Variants in MTMR8 observed in about 807,000 individuals in gnomAD.
The protein encoded by MTMR8 is myotubularin related protein 8, also known as phosphatidylinositol-3,5-bisphosphate 3-phosphatase MTMR8.
A neutral mutation model predicts 39.3 loss-of-function variants in MTMR8; 65 were observed. The observed-to-expected ratio is 1.65, with a 90% CI of 1.35 to 2.03. The LOEUF (loss-of-function observed/expected upper bound fraction) is 2.03, where lower values mean the gene tolerates loss of function less well. Among genes scored for constraint, MTMR8 ranks in the 30% most tolerant of loss-of-function variants. The probability of loss-of-function intolerance (pLI) is 0.00; values close to 1 mark genes in which losing one functional copy is unlikely to be tolerated. For synonymous variants in MTMR8, 245 were observed against 185.2 expected (o/e 1.32, Z -2.62); for missense variants, 777 against 538.9 (o/e 1.44, Z -4.37).
intron 1 of MTMR8, among the ~76,000 whole-genome samples, chrX:64,366,415 C>G (rs1440952126): frequency 8.9e-6 from 1 of 112,137 alleles, no homozygotes; most frequent in South Asian, 3.7e-4. Context: ...TCTCTCAGAC[C>G]ACAGTGCAAT....
In MTMR8 at chrX:64,324,814, CA is replaced by C. The variant is rs758476355; in HGVS notation, c.1481+3957del. Among the ~76,000 whole-genome samples, 208 of 28,693 alleles carry C rather than the reference CA, an allele frequency of 7.2e-3. 1 individual carries two copies. The highest frequency in any genetic ancestry group is 0.051 in the African/African-American group (178 of 3,467). The allele number at this position is 28,693 out of a possible 115,157, so 24.9% of individuals were successfully genotyped here. On this transcript the variant is annotated intron_variant, in intron 12 of 13. Coordinates refer to ENST00000374852, the MANE Select transcript of MTMR8 (RefSeq NM_017677.4). Reference sequence around the variant, plus strand: ...TGAAATAAACAGCCTTGTTGCTCACCAAAAAAAAAAAAAAAAAAAAAAAAGA... The same window carrying C: ...TGAAATAAACAGCCTTGTTGCTCACCAAAAAAAAAAAAAAAAAAAAAAAGA...
At chrX:64,375,066 A>C (rs940518985) in intron 1 of MTMR8, among the ~76,000 whole-genome samples, 14 of 108,302 alleles carry the variant, frequency 1.3e-4, no homozygotes, top group African/African-American at 4.8e-4. Context: ...AAAAAAAAAA[A>C]AGTGAAGGAA....
intron 1 of MTMR8, among the ~76,000 whole-genome samples, chrX:64,380,456 G>T (rs1444103752): frequency 3.6e-5 from 4 of 112,409 alleles, no homozygotes; most frequent in African/African-American, 9.7e-5. Context: ...CTGAGGTGAG[G>T]CATTTAAATA....
intron 12 of MTMR8, among the ~76,000 whole-genome samples, chrX:64,319,413 T>C (rs1468930207): frequency 8.9e-6 from 1 of 112,380 alleles, no homozygotes; most frequent in African/African-American, 3.2e-5. Flanking sequence ...TTTAATTAGA[T>C]CCCATTTGTC....
At chrX:64,339,262 C>T (rs1923154738) in intron 8 of MTMR8, among the ~76,000 whole-genome samples, 1 of 111,029 alleles carries the variant, frequency 9.0e-6, no homozygotes, top group African/African-American at 3.3e-5. Context: ...TTATAGGAGT[C>T]AGCCTGTTCA....
At chrX:64,347,367 C>A (rs1306612249) in intron 6 of MTMR8, among the ~76,000 whole-genome samples, 1 of 111,875 alleles carries the variant, frequency 8.9e-6, no homozygotes, top group Non-Finnish European at 1.9e-5. Flanking sequence ...GATACAGACT[C>A]GATTAAACTC....
chrX:64,315,745 G>A (rs1291310155), intron 12 of MTMR8, among the ~76,000 whole-genome samples: 1 of 111,500 alleles, frequency 9.0e-6, no homozygotes, highest in Non-Finnish European at 1.9e-5. Flanking sequence ...AATTATATAT[G>A]TTAGAGCTTA....
Position 64,348,664 on chromosome X carries a change from G to C in MTMR8, c.728C>G (p.Pro243Arg). 1.7e-6 allele frequency: 2 copies of C among 1,210,246 alleles called. No individual in the cohort carries two copies. Among genetic ancestry groups the C allele is most frequent in the Non-Finnish European group, 2.2e-6 (2 of 894,549 alleles). Residue 243 changes from proline (P) to arginine (R), a missense_variant, in exon 6 of 14, where the codon CCA becomes CGA. Transcript: ENST00000374852. ...AAATCACTGAGAAATAGATACCTTT[G>C]GTCTTGTGTCTACAACATACATAAA... ...SQFMYVVDTR[P>R]KLNAMANRAA...
At chrX:64,380,994 T>C (rs1924401483) in intron 1 of MTMR8, among the ~76,000 whole-genome samples, 1 of 112,341 alleles carries the variant, frequency 8.9e-6, no homozygotes, top group Admixed American at 9.5e-5. Context: ...AAGTCTATCA[T>C]TGTTGGACAT....
intron 4 of MTMR8, among the ~76,000 whole-genome samples, chrX:64,352,494 C>CTCT (rs1159701388): frequency 9.0e-6 from 1 of 111,400 alleles, no homozygotes; most frequent in African/African-American, 3.3e-5. Context: ...TGGCCCAGAG[C>CTCT]TCTTTCTTGA....
At chrX:64,293,276 T>C (rs1053955771) in intron 12 of MTMR8, among the ~76,000 whole-genome samples, 1 of 111,423 alleles carries the variant, frequency 9.0e-6, no homozygotes, top group African/African-American at 3.3e-5. Context: ...AAAGACAAAC[T>C]CAAGTGTTGC....
intron 12 of MTMR8, chrX:64,305,538 AC>A: frequency 2.5e-6 from 1 of 400,374 alleles, no homozygotes; most frequent in Non-Finnish European, 4.7e-6. Flanking sequence ...ATAATTCACA[AC>A]TACTTCTGTT....
intron 12 of MTMR8, among the ~76,000 whole-genome samples, chrX:64,297,030 G>T (rs1403794694): frequency 4.1e-5 from 4 of 98,511 alleles, no homozygotes; most frequent in Admixed American, 1.1e-4. Context: ...GAATAATGCC[G>T]CAATAAACAT....
In MTMR8 at chrX:64,331,545, A is replaced by G; in HGVS notation, c.1352+12T>C. The G allele has an allele frequency of 8.3e-7, 1 of 1,204,825 alleles. No individual in the cohort carries two copies. The highest frequency in any genetic ancestry group is 1.7e-5 in the African/African-American group (1 of 57,582). On this transcript the variant is annotated intron_variant, in intron 11 of 13. Transcript: ENST00000374852. ...TCTCCCTGTTCAGTGTCTTCTCACA[A>G]AGTAAATTCACCTTAGATCTTCCCG...
chrX:64,364,874 G>A (rs1421112315), intron 1 of MTMR8, among the ~76,000 whole-genome samples: 2 of 111,359 alleles, frequency 1.8e-5, no homozygotes, highest in Non-Finnish European at 3.8e-5. Flanking sequence ...AAAAAGATTA[G>A]ACGAATGGCT....
intron 12 of MTMR8, among the ~76,000 whole-genome samples, chrX:64,301,271 C>T (rs1271181624): frequency 9.3e-6 from 1 of 107,040 alleles, no homozygotes; most frequent in Non-Finnish European, 1.9e-5. Context: ...AGGCTTTGCT[C>T]ATTTCTTTTT....
intron 1 of MTMR8, among the ~76,000 whole-genome samples, chrX:64,369,464 G>C (rs1924069180): frequency 9.0e-6 from 1 of 111,349 alleles, no homozygotes; most frequent in African/African-American, 3.3e-5. Context: ...GTCCTTTGCA[G>C]GGACATGGAT....
intron 1 of MTMR8, among the ~76,000 whole-genome samples, chrX:64,387,119 G>A (rs16990711): frequency 0.14 from 15,214 of 110,829 alleles, 2,534 homozygotes; most frequent in African/African-American, 0.47. Flanking sequence ...TAGATTAAAA[G>A]AAAAACATCA....
chrX:64,394,015 C>T (rs905262817), intron 1 of MTMR8, among the ~76,000 whole-genome samples: 7 of 111,937 alleles, frequency 6.3e-5, no homozygotes, highest in African/African-American at 2.3e-4. Context: ...GGCAATTTAC[C>T]AAAGAGGTTT....
Sources: gnomAD v4.1 joint callset for allele counts (sites outside exome capture counted in the v4.1 genomes callset) on GRCh38, gnomAD v4.1.1 for gene constraint, MANE v1.5 for transcripts, NCBI Gene and HGNC (gene_info 2026-07-23, HGNC 2026-07-21) for gene names.